The following OR2L13 variants were observed in gnomAD, a reference collection of about 807,000 sequenced individuals.
OR2L13 encodes the protein olfactory receptor 2L13.
OR2L13 carries 14 observed loss-of-function variants against 15.3 expected under a neutral mutation model. The ratio of observed to expected loss-of-function variants is 0.91; its 90% CI spans 0.60 to 1.43. OR2L13 has a LOEUF of 1.43. Among genes scored for constraint, OR2L13 ranks in the 40% most tolerant of loss-of-function variants. The pLI is 0.00. For synonymous variants in OR2L13, 152 were observed against 142.9 expected, an observed-to-expected ratio of 1.06 and a Z score of -0.45; for missense variants, 367 against 387.9, an observed-to-expected ratio of 0.95 and a Z score of 0.45.
chr1:247,981,477 G>A, the OR2L13 span, among the ~76,000 whole-genome samples: 3 of 152,106 alleles, frequency 2.0e-5, no homozygotes, highest in Non-Finnish European at 4.4e-5. Context: ...CATCCAATTT[G>A]TGCAAAATTA....
the OR2L13 span, among the ~76,000 whole-genome samples, chr1:248,076,385 A>T: frequency 6.6e-6 from 1 of 152,176 alleles, no homozygotes; most frequent in African/African-American, 2.4e-5. Flanking sequence ...CTGTGAAGGA[A>T]GTCATTGGTA....
chr1:248,056,772 T>G, the OR2L13 span, among the ~76,000 whole-genome samples: 1 of 151,312 alleles, frequency 6.6e-6, no homozygotes, highest in African/African-American at 2.4e-5. Flanking sequence ...CTCGGCCTCT[T>G]GAGTAGCTGG....
chr1:247,951,516 A>G, the OR2L13 span, among the ~76,000 whole-genome samples: 1 of 152,216 alleles, frequency 6.6e-6, no homozygotes, highest in Non-Finnish European at 1.5e-5. Context: ...AAAGTATTAC[A>G]TAGTTAAAAT....
At chr1:247,990,606 C>T in the OR2L13 span, 21 of 1,551,052 alleles carry the variant, frequency 1.4e-5, no homozygotes, top group Non-Finnish European at 1.9e-5. Context: ...AAGCGCTGCT[C>T]CTGACATCAA....
the OR2L13 span, among the ~76,000 whole-genome samples, chr1:248,076,585 G>A: frequency 6.6e-6 from 1 of 152,108 alleles, no homozygotes; most frequent in African/African-American, 2.4e-5. Flanking sequence ...TGGATTCCTA[G>A]ATATTTTATT....
At chr1:248,024,035 A>T in the OR2L13 span, 4 of 152,004 alleles carry the variant, frequency 2.6e-5, no homozygotes, top group Non-Finnish European at 5.9e-5. Flanking sequence ...ATTTGTTATT[A>T]ATTTTATTTG....
chr1:247,950,024 A>G, the OR2L13 span, among the ~76,000 whole-genome samples: 1 of 98,486 alleles, frequency 1.0e-5, no homozygotes, highest in African/African-American at 3.7e-5. Context: ...ATTTTTGCTA[A>G]TATGTTGTCA....
the OR2L13 span, among the ~76,000 whole-genome samples, chr1:247,947,959 C>A: frequency 7.2e-5 from 11 of 152,148 alleles, no homozygotes; most frequent in Non-Finnish European, 1.0e-4. Flanking sequence ...CTGTTGCCTG[C>A]AATCACAGCA....
chr1:248,079,964 G>A, the OR2L13 span, among the ~76,000 whole-genome samples: 1 of 152,112 alleles, frequency 6.6e-6, no homozygotes, highest in Non-Finnish European at 1.5e-5. Context: ...GTAAAATATT[G>A]ATATCCAACA....
the OR2L13 span, among the ~76,000 whole-genome samples, chr1:248,058,903 T>G: frequency 8.2e-4 from 125 of 152,184 alleles, no homozygotes; most frequent in African/African-American, 2.7e-3. Context: ...AATAGATTTT[T>G]CTTACTTTGC....
chr1:248,009,277 C>G, the OR2L13 span, among the ~76,000 whole-genome samples: 1 of 151,522 alleles, frequency 6.6e-6, no homozygotes, highest in African/African-American at 2.4e-5. Flanking sequence ...GACCACTAGT[C>G]AGATTAATAA....
At chr1:248,038,792 T>C in the OR2L13 span, 3 of 1,614,158 alleles carry the variant, frequency 1.9e-6, no homozygotes, top group Non-Finnish European at 2.5e-6. Context: ...CCATCAATCA[T>C]TTTTTCTGTG....
At chr1:248,018,174 C>T in the OR2L13 span, among the ~76,000 whole-genome samples, 64 of 149,282 alleles carry the variant, frequency 4.3e-4, 1 homozygote, top group Non-Finnish European at 1.2e-4. Context: ...AAAAAAAATT[C>T]GTTATTTTTC....
chr1:247,940,138 A>G, the OR2L13 span, among the ~76,000 whole-genome samples: 1 of 152,154 alleles, frequency 6.6e-6, no homozygotes, highest in East Asian at 1.9e-4. Context: ...ACACATATAT[A>G]CATACACATA....
chr1:248,053,805 G>A, the OR2L13 span, among the ~76,000 whole-genome samples: 1 of 151,850 alleles, frequency 6.6e-6, no homozygotes, highest in Non-Finnish European at 1.5e-5. Context: ...TAATGGGGTT[G>A]TTTGTTCTTT....
At chr1:248,069,124 C>T in the OR2L13 span, among the ~76,000 whole-genome samples, 44 of 152,144 alleles carry the variant, frequency 2.9e-4, no homozygotes, top group South Asian at 8.3e-4. Flanking sequence ...ATACAGAGAA[C>T]GCCACAAAGA....
chr1:248,072,325 A>G, the OR2L13 span, among the ~76,000 whole-genome samples: 2 of 152,234 alleles, frequency 1.3e-5, no homozygotes, highest in Non-Finnish European at 2.9e-5. Flanking sequence ...ATAACGCTGC[A>G]TATCTATGGC....
chr1:247,951,475 AT>A, the OR2L13 span, among the ~76,000 whole-genome samples: 4 of 152,160 alleles, frequency 2.6e-5, no homozygotes, highest in Non-Finnish European at 5.9e-5. Flanking sequence ...AATAAATTCT[AT>A]TGTTCTCTTC....
chr1:248,083,633 T>A, the OR2L13 span: 1 of 1,419,902 alleles, frequency 7.0e-7, no homozygotes, highest in African/African-American at 1.4e-5. Context: ...TGACACTAGA[T>A]CATCTTGACC....
Sources: allele counts gnomAD v4.1 joint callset (sites outside exome capture counted in the v4.1 genomes callset), GRCh38; gene constraint gnomAD v4.1.1; transcripts MANE v1.5; gene names NCBI Gene and HGNC (gene_info 2026-07-23, HGNC 2026-07-21).